The following LDB2 variants were observed in gnomAD, a reference collection of about 807,000 sequenced individuals.
The protein encoded by LDB2 is LIM domain-binding protein 2.
Under a neutral mutation model 44.3 loss-of-function variants are expected in LDB2, and 12 were observed. That is an observed-to-expected ratio of 0.27 (90% confidence interval 0.17 to 0.44). The LOEUF (loss-of-function observed/expected upper bound fraction) is 0.44, where lower values mean the gene tolerates loss of function less well. Among genes scored for constraint, LDB2 ranks in the 20% least tolerant of loss-of-function variants. The pLI, the probability that LDB2 is intolerant of heterozygous loss-of-function variation, is 1.00. For synonymous variants in LDB2, 164 were observed against 174.8 expected, an observed-to-expected ratio of 0.94 and a Z score of 0.49; for missense variants, 344 against 473.5, an observed-to-expected ratio of 0.73 and a Z score of 2.54.
intron 2 of LDB2, among the ~76,000 whole-genome samples, chr4:16,637,351 G>A (rs1330050111): frequency 1.7e-5 from 2 of 120,912 alleles, no homozygotes; most frequent in African/African-American, 6.2e-5. Context: ...TAGAGCAGGT[G>A]TCTTTTTCTC....
intron 3 of LDB2, among the ~76,000 whole-genome samples, chr4:16,591,506 C>T (rs571271533): frequency 3.9e-5 from 6 of 152,196 alleles, no homozygotes; most frequent in African/African-American, 7.2e-5. Context: ...GAGTTGACTA[C>T]GCTGGATGTT....
intron 1 of LDB2, among the ~76,000 whole-genome samples, chr4:16,892,410 T>TA (rs1013424744): frequency 3.3e-5 from 5 of 152,054 alleles, no homozygotes; most frequent in African/African-American, 7.2e-5. Context: ...ATTTAAATTT[T>TA]AAAAAAAATC....
At chr4:16,629,850 C>A (rs901129602) in intron 2 of LDB2, among the ~76,000 whole-genome samples, 4 of 151,914 alleles carry the variant, frequency 2.6e-5, no homozygotes, top group East Asian at 1.9e-4. Flanking sequence ...GATTGAAGAT[C>A]AAATTAATGA....
intron 1 of LDB2, among the ~76,000 whole-genome samples, chr4:16,786,799 A>G (rs1281365014): frequency 1.3e-5 from 2 of 152,186 alleles, no homozygotes; most frequent in South Asian, 4.1e-4. Flanking sequence ...GGAAAAATAC[A>G]TATGCCTTGT....
intron 1 of LDB2, among the ~76,000 whole-genome samples, chr4:16,893,943 A>C (rs544991606): frequency 6.6e-6 from 1 of 152,300 alleles, no homozygotes; most frequent in East Asian, 1.9e-4. Context: ...TTTACTTGAT[A>C]AACTTTCTTA....
chr4:16,813,222 G>A (rs1780237378), intron 1 of LDB2, among the ~76,000 whole-genome samples: 2 of 152,224 alleles, frequency 1.3e-5, no homozygotes, highest in East Asian at 3.9e-4. Context: ...CTGGCATCAG[G>A]AGATTCACCT....
At chr4:16,824,633 G>T (rs924179751) in intron 1 of LDB2, among the ~76,000 whole-genome samples, 1 of 152,188 alleles carries the variant, frequency 6.6e-6, no homozygotes, top group Admixed American at 6.5e-5. Context: ...TCAAAACTTT[G>T]TTTGAGTTCC....
intron 1 of LDB2, among the ~76,000 whole-genome samples, chr4:16,765,661 C>T (rs2109287344): frequency 6.6e-6 from 1 of 152,220 alleles, no homozygotes; most frequent in Non-Finnish European, 1.5e-5. Context: ...ATGATAAGGC[C>T]CTACCCACAC....
chr4:16,664,170 G>C (rs1249942409), intron 2 of LDB2, among the ~76,000 whole-genome samples: 1 of 152,136 alleles, frequency 6.6e-6, no homozygotes, highest in Non-Finnish European at 1.5e-5. Flanking sequence ...CATGAAGCTA[G>C]AGTCTTCAGG....
At chr4:16,656,447 C>T (rs1311531239) in intron 2 of LDB2, among the ~76,000 whole-genome samples, 1 of 152,190 alleles carries the variant, frequency 6.6e-6, no homozygotes, top group Non-Finnish European at 1.5e-5. Flanking sequence ...AATACGCCAG[C>T]CACCAGCCAC....
chr4:16,803,312 G>T (rs1453205822), intron 1 of LDB2, among the ~76,000 whole-genome samples: 1 of 152,126 alleles, frequency 6.6e-6, no homozygotes, highest in Non-Finnish European at 1.5e-5. Flanking sequence ...GAATCAGATA[G>T]AAAACATTGC....
intron 7 of LDB2, chr4:16,503,081 T>A: frequency 6.5e-7 from 1 of 1,537,588 alleles, no homozygotes; most frequent in South Asian, 1.2e-5. Context: ...CCACGCGAGT[T>A]TATGTCCTTA....
intron 2 of LDB2, among the ~76,000 whole-genome samples, chr4:16,707,292 CA>C (rs980881247): frequency 1.3e-5 from 2 of 151,970 alleles, no homozygotes; most frequent in African/African-American, 4.8e-5. Context: ...CACATTTTGG[CA>C]AATAACTGAG....
Position 16,898,576 on chromosome 4 carries a change from C to T in LDB2, c.-91G>A. The stretch of plus-strand genomic sequence containing the variant: ...TGTGTTCTTCCCAGTACAAAGTAGA[C>T]GCACGCACACACGCTCACACACACA... On this transcript the variant is annotated 5_prime_UTR_variant, in exon 1 of 8. Transcript: ENST00000304523. 5 of 1,307,568 alleles carry T rather than the reference C, an allele frequency of 3.8e-6. No homozygotes were observed. In the South Asian group the frequency reaches 4.1e-5, roughly 11 times the overall value. 81.0% of individuals were successfully genotyped at this position (1,307,568 alleles called of 1,614,324 possible). A position where few individuals can be genotyped will look rare whatever the true frequency, so the allele number is the denominator to read the frequency against.
intron 2 of LDB2, among the ~76,000 whole-genome samples, chr4:16,685,284 C>G (rs753282140): frequency 7.9e-5 from 12 of 152,178 alleles, no homozygotes; most frequent in Non-Finnish European, 5.9e-5. Flanking sequence ...CTCACTCGCT[C>G]CATTTAACTT....
chr4:16,749,538 G>A (rs111549991), intron 2 of LDB2, among the ~76,000 whole-genome samples: 35 of 134,540 alleles, frequency 2.6e-4, no homozygotes, highest in African/African-American at 9.4e-4. Context: ...CAGCCTGAGC[G>A]ACAGAGCAAG....
At chr4:16,544,897 A>G (rs779332231) in intron 5 of LDB2, among the ~76,000 whole-genome samples, 5 of 152,184 alleles carry the variant, frequency 3.3e-5, no homozygotes, top group Non-Finnish European at 5.9e-5. Context: ...ATTAAAATGC[A>G]TAGGACTCAA....
intron 2 of LDB2, among the ~76,000 whole-genome samples, chr4:16,682,663 T>G (rs9291648): frequency 0.023 from 3,484 of 152,272 alleles, 128 homozygotes; most frequent in African/African-American, 0.079. Flanking sequence ...CCTCCCTTCT[T>G]CGTTCCCCAG....
Position 16,847,613 on chromosome 4 carries a change from G to GTTCA in LDB2, c.132+50740_132+50741insTGAA, listed in dbSNP as rs138064213. The stretch of plus-strand genomic sequence containing the variant: ...TTAACACATGTTTGTTTGTTTGTTT[G>GTTCA]TTTGTTTGTTTGTTTGTTTTTTGAG... On this transcript the variant is annotated intron_variant, in intron 1 of 7. Coordinates refer to ENST00000304523, the MANE Select transcript of LDB2 (RefSeq NM_001290.5). Among the ~76,000 whole-genome samples the GTTCA allele has an allele frequency of 4.6e-5, 7 of 152,084 alleles. No individual in the cohort carries two copies. The South Asian group carries it at 6.2e-4, about 14-fold the overall frequency.
Sources: gnomAD v4.1 joint callset for allele counts (sites outside exome capture counted in the v4.1 genomes callset) on GRCh38, gnomAD v4.1.1 for gene constraint, MANE v1.5 for transcripts, NCBI Gene and HGNC (gene_info 2026-07-23, HGNC 2026-07-21) for gene names.